PTPRT: variants seen among roughly 807,000 people sequenced by gnomAD.
PTPRT encodes receptor-type tyrosine-protein phosphatase T.
A neutral mutation model predicts 176.8 loss-of-function variants in PTPRT; 56 were observed. The ratio of observed to expected loss-of-function variants is 0.32; its 90% confidence interval spans 0.26 to 0.40. The LOEUF (loss-of-function observed/expected upper bound fraction) is 0.40. PTPRT is among the 10% of genes least tolerant of loss of function. The pLI is 1.00. For synonymous variants in PTPRT, 783 were observed against 739.0 expected (o/e 1.06, Z -0.96); for missense variants, 1,540 against 1,908.2 (o/e 0.81, Z 3.60).
rs146913637 is a variant in PTPRT, at chr20:42,083,136, A to AAAAAAAAG, written c.4137-1120_4137-1119insCTTTTTTT. Among the ~76,000 whole-genome samples, 747 of 129,872 alleles carry AAAAAAAAG rather than the reference A, an allele frequency of 5.8e-3. 32 individuals are homozygous for AAAAAAAAG. The highest frequency in any genetic ancestry group is 0.016 in the African/African-American group (454 of 28,752). 85.2% of individuals were successfully genotyped at this position (129,872 alleles called of 152,430 possible). A position where few individuals can be genotyped will look rare whatever the true frequency, so the allele number is the denominator to read the frequency against. On this transcript the variant is annotated intron_variant, in intron 29 of 30. Transcript: ENST00000373187. ...ACTAGTGCAAAAAAAAAAAAAAAAA[A>AAAAAAAAG]GCAGGCTAAAAAACAAACATGAGAG...
Position 43,039,356 on chromosome 20 carries a change from T to TA in PTPRT, c.88+150289dup, listed in dbSNP as rs534437792. Among the ~76,000 whole-genome samples, 1,152 of 124,048 alleles carry TA rather than the reference T, an allele frequency of 9.3e-3. 14 individuals carry two copies. The highest frequency in any genetic ancestry group is 0.01 in the Non-Finnish European group (638 of 63,500). The allele number at this position is 124,048 out of a possible 152,430, so 81.4% of individuals were successfully genotyped here. A position where few individuals can be genotyped will look rare whatever the true frequency, so the allele number is the denominator to read the frequency against. Reference sequence around the variant, plus strand: ...TAGCTATCTTCTTGAAATAAAATGATAAAAAAAAAACCACAAAATCTCTAT... The same window carrying TA: ...TAGCTATCTTCTTGAAATAAAATGATAAAAAAAAAAACCACAAAATCTCTAT... On this transcript the variant is annotated intron_variant, in intron 1 of 30. Transcript: ENST00000373187.
chr20:42,834,615 T>A (rs1191917004), intron 2 of PTPRT, among the ~76,000 whole-genome samples: 1 of 152,282 alleles, frequency 6.6e-6, no homozygotes, highest in East Asian at 1.9e-4. Flanking sequence ...AATGCAAATG[T>A]TATTCAGGTT....
At chr20:42,567,662 C>T (rs1033263634) in intron 7 of PTPRT, among the ~76,000 whole-genome samples, 1 of 152,220 alleles carries the variant, frequency 6.6e-6, no homozygotes, top group Non-Finnish European at 1.5e-5. Flanking sequence ...ATGCCAGCCT[C>T]ACCTATTTGT....
rs1003895836 is a variant in PTPRT at position 42,122,812 on chromosome 20, C to T, written c.2848-2841G>A. On this transcript the variant is annotated intron_variant, in intron 19 of 30. Transcript: ENST00000373187. Reference sequence around the variant, plus strand: ...CTGCATGGTAATGCCAAATGCCTTACCTTCGGACTAGTCATCTGTCTCCAT... The same window carrying T: ...CTGCATGGTAATGCCAAATGCCTTATCTTCGGACTAGTCATCTGTCTCCAT... 1.4e-4 allele frequency among the ~76,000 whole-genome samples: 21 copies of T among 152,172 alleles called. 1 individual carries two copies. The highest frequency in any genetic ancestry group is 5.1e-4 in the African/African-American group (21 of 41,444).
intron 17 of PTPRT, among the ~76,000 whole-genome samples, chr20:42,142,507 T>C (rs927570415): frequency 2.0e-5 from 3 of 152,200 alleles, no homozygotes; most frequent in African/African-American, 7.2e-5. Flanking sequence ...TTTCAGATTA[T>C]ACACTCTGGG....
chr20:42,817,873 C>T (rs2145643015), intron 2 of PTPRT, among the ~76,000 whole-genome samples: 1 of 152,298 alleles, frequency 6.6e-6, no homozygotes, highest in Non-Finnish European at 1.5e-5. Flanking sequence ...TTCGGATCCC[C>T]CTGGACCTGA....
Position 42,454,671 on chromosome 20 carries a change from C to T in PTPRT, c.1451-6342G>A, listed in dbSNP as rs192740453. ...CTAATCATTTTATTGGCTATATGTG[C>T]TACTGAAAAACTTCTTTTAATTTGT... On this transcript the variant is annotated intron_variant, in intron 8 of 30. Transcript: ENST00000373187. Among the ~76,000 whole-genome samples the T allele has an allele frequency of 3.4e-3, 512 of 152,258 alleles. 3 individuals are homozygous for T. Among genetic ancestry groups the T allele is most frequent in the Admixed American group, 6.1e-3 (93 of 15,288 alleles).
chr20:42,543,023 T>G (rs1477556418), intron 7 of PTPRT, among the ~76,000 whole-genome samples: 5 of 151,922 alleles, frequency 3.3e-5, no homozygotes, highest in Non-Finnish European at 7.4e-5. Context: ...GTTGTAATCT[T>G]TTTGTTGGTG....
chr20:42,119,151 GTT>G, intron 20 of PTPRT, among the ~76,000 whole-genome samples: 1 of 150,842 alleles, frequency 6.6e-6, no homozygotes, highest in South Asian at 2.1e-4. Flanking sequence ...TAATACATGT[GTT>G]TGATATAAAA....
intron 9 of PTPRT, among the ~76,000 whole-genome samples, chr20:42,411,804 C>T (rs1433650615): frequency 1.3e-5 from 2 of 151,388 alleles, no homozygotes; most frequent in Non-Finnish European, 2.9e-5. Flanking sequence ...CAAGAAAAAT[C>T]CATATGAAAA....
chr20:42,883,704 A>T (rs2079044964), intron 2 of PTPRT, among the ~76,000 whole-genome samples: 1 of 136,368 alleles, frequency 7.3e-6, no homozygotes. Context: ...CCTCCCATAC[A>T]CCCCCATACA....
At position 42,446,621 on chromosome 20, in the gene PTPRT, T is replaced by TGTGTGTGTGTGTGA. The variant is rs1491165117; in HGVS notation, c.1560+1598_1560+1599insTCACACACACACAC. On this transcript the variant is annotated intron_variant, in intron 9 of 30. Coordinates refer to ENST00000373187, the MANE Select transcript of PTPRT (RefSeq NM_007050.6). ...GTGTGTGTGTGTGTGTGTGTGTGTGTGAGAGAGAGAGAGAGATTGTGGTTT... is the reference window on the plus strand; with the variant it reads ...GTGTGTGTGTGTGTGTGTGTGTGTGTGTGTGTGTGTGTGAGAGAGAGAGAGAGAGATTGTGGTTT... Among the ~76,000 whole-genome samples, 62 of 130,154 alleles carry TGTGTGTGTGTGTGA rather than the reference T, an allele frequency of 4.8e-4. No individual in the cohort carries two copies. In the East Asian group the frequency reaches 0.011, roughly 22 times the overall value. The allele number at this position is 130,154 out of a possible 152,430, so 85.4% of individuals were successfully genotyped here. A position where few individuals can be genotyped will look rare whatever the true frequency, so the allele number is the denominator to read the frequency against.
At chr20:42,535,639 G>T (rs2072463440) in intron 7 of PTPRT, among the ~76,000 whole-genome samples, 1 of 152,156 alleles carries the variant, frequency 6.6e-6, no homozygotes, top group Non-Finnish European at 1.5e-5. Flanking sequence ...CTAACTTTTG[G>T]GGAATAAAAG....
chr20:42,834,331 A>G lies in PTPRT; in HGVS notation c.215-42865T>C, dbSNP rs1036162874. ...ACTGCACATTTTGTTAGGGGAGCTA[A>G]AATTTAAAACAAAGGGGAAAAAGGA... On this transcript the variant is annotated intron_variant, in intron 2 of 30. Transcript: ENST00000373187. 1.2e-4 allele frequency among the ~76,000 whole-genome samples: 18 copies of G among 152,164 alleles called. 1 individual carries two copies. Among genetic ancestry groups the G allele is most frequent in the Non-Finnish European group, 1.8e-4 (12 of 68,030 alleles).
At chr20:43,139,713 C>G (rs1010768108) in intron 1 of PTPRT, among the ~76,000 whole-genome samples, 1 of 152,154 alleles carries the variant, frequency 6.6e-6, no homozygotes, top group Non-Finnish European at 1.5e-5. Context: ...GTGGCCCAAG[C>G]TGGAAAACGG....
chr20:42,156,930 TAGCACTTGTCTTCTCAAAG>T, intron 17 of PTPRT, among the ~76,000 whole-genome samples: 1 of 152,326 alleles, frequency 6.6e-6, no homozygotes, highest in East Asian at 1.9e-4. Context: ...GTCAGATCAT[TAGCACTTGTCTTCTCAAAG>T]CTCTGAGGTG....
At chr20:43,119,657 CCTT>C (rs1237943010) in intron 1 of PTPRT, among the ~76,000 whole-genome samples, 15 of 152,148 alleles carry the variant, frequency 9.9e-5, no homozygotes, top group Admixed American at 7.2e-4. Context: ...TAAAAAGAAA[CCTT>C]CTGGTTTCAA....
At chr20:42,173,891 G>T (rs1319944057) in intron 16 of PTPRT, among the ~76,000 whole-genome samples, 1 of 152,162 alleles carries the variant, frequency 6.6e-6, no homozygotes, top group Non-Finnish European at 1.5e-5. Context: ...GACACTTGTT[G>T]TTGAAAATAA....
chr20:42,942,647 T>C (rs958210272), intron 1 of PTPRT, among the ~76,000 whole-genome samples: 3 of 152,224 alleles, frequency 2.0e-5, no homozygotes, highest in African/African-American at 4.8e-5. Flanking sequence ...TATGGGCGTA[T>C]GATTGCTGGC....
Sources: gnomAD v4.1 joint callset for allele counts (sites outside exome capture counted in the v4.1 genomes callset) on GRCh38, gnomAD v4.1.1 for gene constraint, MANE v1.5 for transcripts, NCBI Gene and HGNC (gene_info 2026-07-23, HGNC 2026-07-21) for gene names.